Variants in SGCZ observed in about 807,000 individuals in gnomAD.
SGCZ encodes sarcoglycan zeta.
Under a neutral mutation model 41.3 loss-of-function variants are expected in SGCZ, and 40 were observed. That is an observed-to-expected ratio of 0.97 (90% CI 0.75 to 1.26). The LOEUF (loss-of-function observed/expected upper bound fraction) is 1.26, where lower values mean the gene tolerates loss of function less well. SGCZ is among the 50% of genes most tolerant of loss of function. The pLI is 0.00. For synonymous variants in SGCZ, 206 were observed against 137.5 expected (o/e 1.50, Z -3.49); for missense variants, 552 against 369.8 (o/e 1.49, Z -4.04).
chr8:14,190,104 T>C (rs7829937), intron 4 of SGCZ, among the ~76,000 whole-genome samples: 111,508 of 148,624 alleles, frequency 0.75, 42,819 homozygotes, highest in African/African-American at 0.9. Flanking sequence ...GCTCCGCCTC[T>C]GGGGTTCACG....
At chr8:15,110,969 C>G (rs1436053503) in intron 1 of SGCZ, among the ~76,000 whole-genome samples, 1 of 151,924 alleles carries the variant, frequency 6.6e-6, no homozygotes, top group East Asian at 1.9e-4. Flanking sequence ...AACTCCATCT[C>G]AAAAAGAAAA....
chr8:14,757,336 A>T (rs746592704), intron 1 of SGCZ, among the ~76,000 whole-genome samples: 2 of 152,228 alleles, frequency 1.3e-5, no homozygotes, highest in Non-Finnish European at 2.9e-5. Context: ...GGCGTGAGCC[A>T]CCGTGCCCAG....
chr8:14,901,828 A>G (rs1321949334), intron 1 of SGCZ, among the ~76,000 whole-genome samples: 1 of 152,160 alleles, frequency 6.6e-6, no homozygotes, highest in Non-Finnish European at 1.5e-5. Flanking sequence ...ATGTCACGCT[A>G]ATGTAAACCA....
At chr8:14,162,326 A>G (rs1804072301) in intron 5 of SGCZ, among the ~76,000 whole-genome samples, 1 of 152,142 alleles carries the variant, frequency 6.6e-6, no homozygotes, top group African/African-American at 2.4e-5. Context: ...ATAAGTGTGT[A>G]ATGTCCTAGA....
At chr8:15,150,402 G>T (rs1020098911) in intron 1 of SGCZ, among the ~76,000 whole-genome samples, 10 of 152,170 alleles carry the variant, frequency 6.6e-5, no homozygotes, top group African/African-American at 1.7e-4. Flanking sequence ...TTTCTCCATT[G>T]AAAAGGTTTC....
chr8:14,377,273 G>A (rs867446096), intron 2 of SGCZ, among the ~76,000 whole-genome samples: 1 of 152,094 alleles, frequency 6.6e-6, no homozygotes, highest in Non-Finnish European at 1.5e-5. Flanking sequence ...GGGGTTCAGA[G>A]GGCTTCTACA....
intron 1 of SGCZ, among the ~76,000 whole-genome samples, chr8:15,099,128 G>T (rs1443117474): frequency 1.3e-5 from 2 of 152,260 alleles, no homozygotes; most frequent in East Asian, 3.9e-4. Context: ...TTTTCAAATT[G>T]TTATTGTGTA....
chr8:14,585,577 T>C (rs1296006255), intron 1 of SGCZ, among the ~76,000 whole-genome samples: 2 of 152,144 alleles, frequency 1.3e-5, no homozygotes, highest in Non-Finnish European at 2.9e-5. Flanking sequence ...TTAATGTATT[T>C]TAGTGTCTTT....
rs547178332 is a variant in SGCZ at position 14,515,996 on chromosome 8, T to G, written c.234+38736A>C. Among the ~76,000 whole-genome samples, 11 of 125,418 alleles carry G rather than the reference T, an allele frequency of 8.8e-5. No individual in the cohort carries two copies. In the South Asian group the frequency reaches 1.8e-3, roughly 20 times the overall value. The allele number at this position is 125,418 out of a possible 152,430, so 82.3% of individuals were successfully genotyped here. A position where few individuals can be genotyped will look rare whatever the true frequency, so the allele number is the denominator to read the frequency against. On this transcript the variant is annotated intron_variant, in intron 2 of 7. Transcript: ENST00000382080. ...GTAAGCAATAATTAGGAAGAAATAG[T>G]TTTTTTTTAATTTAAGAATTACATG...
In SGCZ at chr8:14,565,513, GCAC is replaced by G. The variant is rs377433947; in HGVS notation, c.40-10590_40-10588del. On this transcript the variant is annotated intron_variant, in intron 1 of 7. Transcript: ENST00000382080. Reference sequence around the variant, plus strand: ...ATAAAACAACAAAGACAGTCCACGGGCACCATTTACACTAAAATTGCAAGCATG... The same window carrying G: ...ATAAAACAACAAAGACAGTCCACGGGCATTTACACTAAAATTGCAAGCATG... Among the ~76,000 whole-genome samples the G allele has an allele frequency of 3.2e-3, 494 of 152,040 alleles. 2 individuals are homozygous for G. Among genetic ancestry groups the G allele is most frequent in the African/African-American group, 0.011 (471 of 41,448 alleles).
chr8:14,444,367 G>T (rs189598195), intron 2 of SGCZ, among the ~76,000 whole-genome samples: 5,954 of 152,068 alleles, frequency 0.039, 172 homozygotes, highest in African/African-American at 0.077. Flanking sequence ...GCACACGTAT[G>T]TTTATTGCGG....
chr8:14,743,740 C>G (rs904374017), intron 1 of SGCZ, among the ~76,000 whole-genome samples: 14 of 151,708 alleles, frequency 9.2e-5, no homozygotes, highest in African/African-American at 3.1e-4. Flanking sequence ...ATTCTTTTTC[C>G]GTCTTGCAAA....
chr8:15,150,269 A>T (rs2117016351), intron 1 of SGCZ, among the ~76,000 whole-genome samples: 1 of 152,332 alleles, frequency 6.6e-6, no homozygotes, highest in East Asian at 1.9e-4. Context: ...TTACAAAGTT[A>T]TTACAATTGA....
At chr8:14,609,768 T>C (rs761449961) in intron 1 of SGCZ, among the ~76,000 whole-genome samples, 10 of 152,104 alleles carry the variant, frequency 6.6e-5, no homozygotes, top group Non-Finnish European at 1.2e-4. Flanking sequence ...AGAGCAGTGG[T>C]TTGTATACAT....
chr8:15,033,220 G>A (rs73521075), intron 1 of SGCZ, among the ~76,000 whole-genome samples: 3,039 of 151,846 alleles, frequency 0.02, 44 homozygotes, highest in Middle Eastern at 0.034. Flanking sequence ...TAGGAATCAG[G>A]CCAGCCCTCA....
At chr8:14,502,169 T>G (rs1219812389) in intron 2 of SGCZ, among the ~76,000 whole-genome samples, 1 of 152,130 alleles carries the variant, frequency 6.6e-6, no homozygotes, top group Non-Finnish European at 1.5e-5. Context: ...TTTTTCATGA[T>G]GGATCCTTGT....
intron 5 of SGCZ, among the ~76,000 whole-genome samples, chr8:14,152,553 G>A (rs1319285372): frequency 6.6e-6 from 1 of 152,154 alleles, no homozygotes; most frequent in African/African-American, 2.4e-5. Context: ...ACACCAGACT[G>A]GAGAGGATGT....
intron 4 of SGCZ, among the ~76,000 whole-genome samples, chr8:14,206,348 T>C (rs535962781): frequency 2.0e-5 from 3 of 152,300 alleles, no homozygotes; most frequent in East Asian, 3.9e-4. Context: ...AGTCAATTAT[T>C]TGGTACTTTC....
chr8:14,590,244 C>T (rs1805198686), intron 1 of SGCZ, among the ~76,000 whole-genome samples: 1 of 151,574 alleles, frequency 6.6e-6, no homozygotes, highest in Admixed American at 6.6e-5. Context: ...AATAAAAAAG[C>T]AAAAATAATA....
Sources: allele counts gnomAD v4.1 joint callset (sites outside exome capture counted in the v4.1 genomes callset), GRCh38; gene constraint gnomAD v4.1.1; transcripts MANE v1.5; gene names NCBI Gene and HGNC (gene_info 2026-07-23, HGNC 2026-07-21).